Variants in CPED1 observed in about 807,000 individuals in gnomAD.
CPED1 encodes cadherin-like and PC-esterase domain-containing protein 1.
In CPED1, 114 loss-of-function variants were observed where a neutral mutation model predicts 128.2. The ratio of observed to expected loss-of-function variants is 0.89; its 90% CI spans 0.76 to 1.04. The LOEUF (loss-of-function observed/expected upper bound fraction) is 1.04. Among genes scored for constraint, CPED1 ranks in the 50% least tolerant of loss-of-function variants. The pLI is 0.00. For synonymous variants in CPED1, 462 were observed against 426.7 expected (o/e 1.08, Z -1.02); for missense variants, 1,211 against 1,207.1 (o/e 1.00, Z -0.05).
Position 121,053,699 on chromosome 7 carries a change from G to A in CPED1, c.540+6706G>A, listed in dbSNP as rs554092609. ...ACAATTTGTATTCTGGTGTTCTAAT[G>A]GTGATTTTCTATTTCTCTTATTACT... On this transcript the variant is annotated intron_variant, in intron 4 of 22. Transcript: ENST00000310396. Among the ~76,000 whole-genome samples the A allele has an allele frequency of 9.9e-5, 15 of 152,130 alleles. No individual in the cohort carries two copies. In the South Asian group the frequency reaches 2.9e-3, roughly 30 times the overall value.
At chr7:121,255,099 A>G (rs1293593836) in intron 18 of CPED1, among the ~76,000 whole-genome samples, 3 of 152,090 alleles carry the variant, frequency 2.0e-5, no homozygotes, top group Non-Finnish European at 4.4e-5. Context: ...TGGCAGAGAC[A>G]CAATGAAAAT....
intron 3 of CPED1, among the ~76,000 whole-genome samples, chr7:121,023,787 CT>C (rs1354396056): frequency 2.0e-5 from 3 of 152,124 alleles, no homozygotes; most frequent in African/African-American, 7.2e-5. Flanking sequence ...TCTTTCCCCC[CT>C]CTAGCCCCAC....
chr7:121,266,437 C>G lies in CPED1; in HGVS notation c.2521C>G (p.Leu841Val), dbSNP rs761229687. Residue 841 changes from leucine (L) to valine (V), a missense_variant, in exon 19 of 23, where the codon CTC becomes GTC. Physicochemically the swap from Leu to Val is conservative, Grantham distance 32. Coordinates refer to ENST00000310396, the MANE Select transcript of CPED1 (RefSeq NM_024913.5). ...RPTFENALEH[L>V]LQRSRPLENT... ...AACATTTGAAAATGCACTTGAACAC[C>G]TCTTGCAAAGGTACAATGAAACTAT... 9 of 1,610,840 alleles carry G rather than the reference C, an allele frequency of 5.6e-6. No individual in the cohort carries two copies. In the South Asian group the frequency reaches 9.9e-5, roughly 18 times the overall value.
rs76195261 is a variant in CPED1, at chr7:121,286,359, T to G, written c.2869-9081T>G. ...AGACATTCCAAGTTGCATCTGAAATTAAGTAGAAGACACAGCCTCAAGGTT... is the reference window on the plus strand; with the variant it reads ...AGACATTCCAAGTTGCATCTGAAATGAAGTAGAAGACACAGCCTCAAGGTT... On this transcript the variant is annotated intron_variant, in intron 22 of 22. Coordinates refer to ENST00000310396, the MANE Select transcript of CPED1 (RefSeq NM_024913.5). Among the ~76,000 whole-genome samples the G allele has an allele frequency of 8.4e-3, 1,277 of 152,280 alleles. 20 individuals carry two copies. The highest frequency in any genetic ancestry group is 0.028 in the African/African-American group (1,171 of 41,558).
chr7:121,032,575 G>C (rs1162677957), intron 3 of CPED1, among the ~76,000 whole-genome samples: 1 of 151,682 alleles, frequency 6.6e-6, no homozygotes, highest in African/African-American at 2.4e-5. Flanking sequence ...GGGAGGGAGA[G>C]CATTAGGACC....
In CPED1 at chr7:121,117,077, T is replaced by TTTTATATA. The variant is rs377516668; in HGVS notation, c.919-7253_919-7252insTTATATAT. Among the ~76,000 whole-genome samples, 92 of 128,776 alleles carry TTTTATATA rather than the reference T, an allele frequency of 7.1e-4. No individual in the cohort carries two copies. The South Asian group carries it at 0.019, about 26-fold the overall frequency. 84.5% of individuals were successfully genotyped at this position (128,776 alleles called of 152,430 possible). ...CACACATTTTATATATATATACACA[T>TTTTATATA]TATATATATATATATATATATAAAT... On this transcript the variant is annotated intron_variant, in intron 7 of 22. Coordinates refer to ENST00000310396, the MANE Select transcript of CPED1 (RefSeq NM_024913.5).
intron 16 of CPED1, among the ~76,000 whole-genome samples, chr7:121,155,721 G>GCTTAAATCTGAAAC (rs1390799027): frequency 6.6e-6 from 1 of 152,102 alleles, no homozygotes; most frequent in Non-Finnish European, 1.5e-5. Context: ...TGCAATAAAG[G>GCTTAAATCTGAAAC]CTTAAATCTG....
intron 7 of CPED1, among the ~76,000 whole-genome samples, chr7:121,118,288 C>T (rs924988790): frequency 1.1e-4 from 16 of 151,990 alleles, no homozygotes; most frequent in African/African-American, 3.6e-4. Flanking sequence ...ACCGGCTGGG[C>T]GCGGTGGCTC....
chr7:121,135,969 T>C (rs1795774797), intron 13 of CPED1, 71 bp from the exon 14 acceptor site: 4 of 1,164,608 alleles, frequency 3.4e-6, no homozygotes, highest in Non-Finnish European at 4.7e-6. Flanking sequence ...AGTTATCTAA[T>C]AGCTAAATGT....
intron 2 of CPED1, chr7:120,993,951 G>A (rs1177070578): frequency 3.0e-6 from 1 of 329,634 alleles, no homozygotes; most frequent in South Asian, 2.2e-5. Context: ...TCGCCCCTGG[G>A]TGGGGGTCGT....
At chr7:120,991,308 C>T (rs2721359) in intron 2 of CPED1, among the ~76,000 whole-genome samples, 32,228 of 152,050 alleles carry the variant, frequency 0.21, 3,664 homozygotes, top group African/African-American at 0.24. Context: ...TGAAATTGTA[C>T]ATCTATTTTT....
intron 3 of CPED1, among the ~76,000 whole-genome samples, chr7:121,039,264 A>AATTGCCC (rs1187666715): frequency 6.6e-6 from 1 of 152,038 alleles, no homozygotes; most frequent in Non-Finnish European, 1.5e-5. Flanking sequence ...CTATTTATTT[A>AATTGCCC]ATTGCCCAGA....
chr7:120,995,959 TCCTC>T (rs1796394081), intron 2 of CPED1, among the ~76,000 whole-genome samples: 1 of 142,238 alleles, frequency 7.0e-6, no homozygotes. Flanking sequence ...CTCCTCCTCC[TCCTC>T]CTCCTCCTTC....
At chr7:121,252,519 A>C (rs1798703865) in intron 18 of CPED1, among the ~76,000 whole-genome samples, 1 of 151,982 alleles carries the variant, frequency 6.6e-6, no homozygotes, top group African/African-American at 2.4e-5. Context: ...CTACCATCAG[A>C]GTGAACAGGC....
At chr7:120,993,243 G>A (rs1796338180) in intron 2 of CPED1, among the ~76,000 whole-genome samples, 1 of 152,086 alleles carries the variant, frequency 6.6e-6, no homozygotes, top group South Asian at 2.1e-4. Context: ...CATAGCACAG[G>A]AAGCACATTA....
At chr7:121,252,429 A>G (rs1407084176) in intron 18 of CPED1, among the ~76,000 whole-genome samples, 9 of 151,628 alleles carry the variant, frequency 5.9e-5, no homozygotes, top group Non-Finnish European at 1.3e-4. Flanking sequence ...TGTCTAAAAC[A>G]CCAAAAGCAA....
At chr7:121,212,430 GTTTTTTC>G (rs978117496) in intron 16 of CPED1, among the ~76,000 whole-genome samples, 1 of 152,010 alleles carries the variant, frequency 6.6e-6, no homozygotes, top group Non-Finnish European at 1.5e-5. Flanking sequence ...CCCTGTCTCT[GTTTTTTC>G]CTCTGCTTAG....
intron 3 of CPED1, among the ~76,000 whole-genome samples, chr7:121,024,307 C>T (rs79332968): frequency 0.019 from 2,965 of 152,112 alleles, 100 homozygotes; most frequent in African/African-American, 0.068. Flanking sequence ...CTTAGAGTGA[C>T]CTCCCCATTC....
At chr7:121,146,630 A>G (rs1331116003) in intron 16 of CPED1, among the ~76,000 whole-genome samples, 1 of 152,152 alleles carries the variant, frequency 6.6e-6, no homozygotes, top group Non-Finnish European at 1.5e-5. Flanking sequence ...AATCAATTAC[A>G]ATAACATTTT....
Sources: allele counts gnomAD v4.1 joint callset (sites outside exome capture counted in the v4.1 genomes callset), GRCh38; gene constraint gnomAD v4.1.1; transcripts MANE v1.5; gene names NCBI Gene and HGNC (gene_info 2026-07-23, HGNC 2026-07-21).